Variants in ATP10A observed in about 807,000 individuals in gnomAD.
ATP10A encodes ATPase phospholipid transporting 10A (putative).
A neutral mutation model predicts 147.8 loss-of-function variants in ATP10A; 111 were observed. The ratio of observed to expected loss-of-function variants is 0.75; its 90% CI spans 0.64 to 0.88. The LOEUF (loss-of-function observed/expected upper bound fraction) is 0.88, where lower values mean the gene tolerates loss of function less well. Among genes scored for constraint, ATP10A ranks in the 40% least tolerant of loss-of-function variants. The pLI, the probability that ATP10A is intolerant of heterozygous loss-of-function variation, is 0.00. For synonymous variants in ATP10A, 875 were observed against 841.6 expected, an observed-to-expected ratio of 1.04 and a Z score of -0.69; for missense variants, 1,927 against 1,959.0, an observed-to-expected ratio of 0.98 and a Z score of 0.31.
intron 1 of ATP10A, among the ~76,000 whole-genome samples, chr15:25,813,555 A>C (rs570590931): frequency 6.6e-6 from 1 of 152,364 alleles, no homozygotes; most frequent in East Asian, 1.9e-4. Flanking sequence ...GCATCAATCA[A>C]TAGAAAAAGA....
chr15:25,715,220 AC>A lies in ATP10A; in HGVS notation c.1777-980del, dbSNP rs546928932. 4.0e-4 allele frequency among the ~76,000 whole-genome samples: 61 copies of A among 152,356 alleles called. 2 individuals carry two copies. Among genetic ancestry groups the A allele is most frequent in the Admixed American group, 3.5e-3 (53 of 15,302 alleles). On this transcript the variant is annotated intron_variant, in intron 9 of 20. Coordinates refer to ENST00000555815, the MANE Select transcript of ATP10A (RefSeq NM_024490.4). Reference sequence around the variant, plus strand: ...AAGGTGCATAGAGCCAGATTTTGATACAGGTGCTTTTCCTTTGGTCTTGTTA... The same window carrying A: ...AAGGTGCATAGAGCCAGATTTTGATAAGGTGCTTTTCCTTTGGTCTTGTTA...
intron 2 of ATP10A, among the ~76,000 whole-genome samples, chr15:25,760,002 C>G (rs1005821212): frequency 2.6e-5 from 4 of 151,512 alleles, no homozygotes; most frequent in African/African-American, 9.7e-5. Flanking sequence ...AAGTCTCACT[C>G]CGTCGCCAGG....
chr15:25,690,276 T>C lies in ATP10A; in HGVS notation c.3165+1439A>G, dbSNP rs943567885. On this transcript the variant is annotated intron_variant, in intron 15 of 20. Coordinates refer to ENST00000555815, the MANE Select transcript of ATP10A (RefSeq NM_024490.4). Reference sequence around the variant, plus strand: ...AAAAAAAAAGAGAGACTGGGTCTCATTGTATTGCCCAAGCTTGAGTGCAGT... The same window carrying C: ...AAAAAAAAAGAGAGACTGGGTCTCACTGTATTGCCCAAGCTTGAGTGCAGT... Among the ~76,000 whole-genome samples the C allele has an allele frequency of 5.3e-5, 8 of 151,494 alleles. No individual in the cohort carries two copies. In the East Asian group the frequency reaches 5.8e-4, roughly 11 times the overall value.
chr15:25,696,547 A>G (rs1900349629), intron 13 of ATP10A, among the ~76,000 whole-genome samples: 1 of 152,212 alleles, frequency 6.6e-6, no homozygotes, highest in African/African-American at 2.4e-5. Context: ...GCATAGGCTC[A>G]TTACTGCAGA....
intron 13 of ATP10A, 95 bp from the exon 14 acceptor site, chr15:25,695,241 G>C (rs963549726): frequency 2.4e-6 from 3 of 1,250,924 alleles, no homozygotes; most frequent in Middle Eastern, 3.9e-4. Flanking sequence ...ACATCCTTCC[G>C]GGCTCCAGGC....
chr15:25,695,204 C>T lies in ATP10A; in HGVS notation c.2761-58G>A, dbSNP rs936845072. 1.5e-5 allele frequency: 22 copies of T among 1,499,352 alleles called. No individual in the cohort carries two copies. In the Admixed American group the frequency reaches 1.7e-4, roughly 12 times the overall value. The allele number at this position is 1,499,352 out of a possible 1,614,324, so 92.9% of individuals were successfully genotyped here. ...CTCAGAGTCATGCCACAAACATCCC[C>T]GCCCTGGCTCAACACCTCTGGAGCT... On this transcript the variant is annotated intron_variant, in intron 13 of 20. Transcript: ENST00000555815.
chr15:25,859,163 C>T (rs537743936), intron 1 of ATP10A, among the ~76,000 whole-genome samples: 5 of 152,326 alleles, frequency 3.3e-5, no homozygotes, highest in African/African-American at 1.2e-4. Context: ...GGCTGAGTCC[C>T]TTTGCCCTTC....
chr15:25,800,296 C>T lies in ATP10A; in HGVS notation c.450-19073G>A, dbSNP rs117027957. ...AGGGCTTCAGTGAGTTTTCTATGTC[C>T]TGGACAAGATAAGCCGCTTCCCTTG... is the stretch of plus-strand genomic sequence containing the variant. On this transcript the variant is annotated intron_variant, in intron 1 of 20. Coordinates refer to ENST00000555815, the MANE Select transcript of ATP10A (RefSeq NM_024490.4). Among the ~76,000 whole-genome samples, 539 of 152,282 alleles carry T rather than the reference C, an allele frequency of 3.5e-3. 4 individuals are homozygous for T. The highest frequency in any genetic ancestry group is 5.2e-3 in the Admixed American group (80 of 15,294).
chr15:25,716,670 AC>A, intron 9 of ATP10A, 59 bp downstream of exon 9: 1 of 1,442,412 alleles, frequency 6.9e-7, no homozygotes, highest in African/African-American at 1.4e-5. Context: ...AGGAGGACTG[AC>A]AACCATGGCC....
At chr15:25,852,618 T>C (rs1400777886) in intron 1 of ATP10A, among the ~76,000 whole-genome samples, 1 of 152,168 alleles carries the variant, frequency 6.6e-6, no homozygotes, top group Non-Finnish European at 1.5e-5. Context: ...GGAAAACAGG[T>C]TTTTATTAAC....
chr15:25,733,139 C>T (rs1053123042), intron 3 of ATP10A, among the ~76,000 whole-genome samples: 2 of 152,120 alleles, frequency 1.3e-5, no homozygotes, highest in African/African-American at 2.4e-5. Context: ...GCAAATCTGC[C>T]GGCATTCCTG....
chr15:25,813,028 G>A (rs141063960), intron 1 of ATP10A, among the ~76,000 whole-genome samples: 1 of 152,318 alleles, frequency 6.6e-6, no homozygotes, highest in African/African-American at 2.4e-5. Context: ...CGCCCTGAAT[G>A]GAGCCCCACG....
chr15:25,797,211 T>C (rs1429260474), intron 1 of ATP10A, among the ~76,000 whole-genome samples: 3 of 152,344 alleles, frequency 2.0e-5, no homozygotes, highest in African/African-American at 7.2e-5. Context: ...CGGGAGATCA[T>C]GCAGTGTTTG....
chr15:25,817,836 G>A (rs12442386), intron 1 of ATP10A, among the ~76,000 whole-genome samples: 1,672 of 152,184 alleles, frequency 0.011, 39 homozygotes, highest in Admixed American at 0.054. Flanking sequence ...AAGATGAAAC[G>A]GTTTAAAGAA....
At chr15:25,753,749 T>C (rs1225358670) in intron 2 of ATP10A, among the ~76,000 whole-genome samples, 6 of 148,790 alleles carry the variant, frequency 4.0e-5, no homozygotes, top group Non-Finnish European at 7.4e-5. Flanking sequence ...ATATGTTATA[T>C]ATATCATATA....
chr15:25,713,609 G>T, intron 10 of ATP10A, 65 bp downstream of exon 10: 2 of 1,452,246 alleles, frequency 1.4e-6, no homozygotes, highest in South Asian at 2.5e-5. Flanking sequence ...GAAGGAATTG[G>T]GTGGGGATAT....
intron 2 of ATP10A, chr15:25,738,396 GT>G (rs2140499537): frequency 6.6e-6 from 1 of 152,498 alleles, no homozygotes; most frequent in South Asian, 2.1e-4. Context: ...ATGGATGGTG[GT>G]GATGGTTGCG....
At chr15:25,823,207 G>A (rs1413327309) in intron 1 of ATP10A, among the ~76,000 whole-genome samples, 1 of 152,024 alleles carries the variant, frequency 6.6e-6, no homozygotes, top group Admixed American at 6.6e-5. Flanking sequence ...TCAATGGTAT[G>A]GCTAATGGCA....
In ATP10A at chr15:25,857,324, G is replaced by A. The variant is rs569084238; in HGVS notation, c.449+5324C>T. 2.6e-5 allele frequency among the ~76,000 whole-genome samples: 4 copies of A among 152,240 alleles called. No individual in the cohort carries two copies. The South Asian group carries it at 6.2e-4, about 24-fold the overall frequency. Reference sequence around the variant, plus strand: ...TAGCCAGGTGTGGTGGCGTGCACCCGTGGTCCCAGCTACTCAGGAGGCTGA... The same window carrying A: ...TAGCCAGGTGTGGTGGCGTGCACCCATGGTCCCAGCTACTCAGGAGGCTGA... On this transcript the variant is annotated intron_variant, in intron 1 of 20. Coordinates refer to ENST00000555815, the MANE Select transcript of ATP10A (RefSeq NM_024490.4).
Sources: gnomAD v4.1 joint callset for allele counts (sites outside exome capture counted in the v4.1 genomes callset) on GRCh38, gnomAD v4.1.1 for gene constraint, MANE v1.5 for transcripts, NCBI Gene and HGNC (gene_info 2026-07-23, HGNC 2026-07-21) for gene names.